Variants in FMN2 observed in about 807,000 individuals in gnomAD.
The protein encoded by FMN2 is formin-2.
In FMN2, 51 loss-of-function variants were observed where a neutral mutation model predicts 142.3. That is an observed-to-expected ratio of 0.36 (90% CI 0.29 to 0.45). The LOEUF is 0.45. Among genes scored for constraint, FMN2 ranks in the 20% least tolerant of loss-of-function variants. The probability of loss-of-function intolerance (pLI) is 1.00; values close to 1 mark genes in which losing one functional copy is unlikely to be tolerated. For synonymous variants in FMN2, 882 were observed against 869.8 expected, an observed-to-expected ratio of 1.01 and a Z score of -0.25; for missense variants, 1,936 against 2,122.8, an observed-to-expected ratio of 0.91 and a Z score of 1.73.
intron 15 of FMN2, among the ~76,000 whole-genome samples, chr1:240,407,609 C>G (rs980226101): frequency 6.6e-6 from 1 of 152,164 alleles, no homozygotes; most frequent in Middle Eastern, 3.2e-3. Flanking sequence ...AATGTGATCA[C>G]ATGATATTTT....
intron 1 of FMN2, among the ~76,000 whole-genome samples, chr1:240,121,085 C>T (rs556919080): frequency 8.7e-4 from 132 of 151,902 alleles, no homozygotes; most frequent in African/African-American, 3.1e-3. Context: ...CGCTTGAACC[C>T]GGGAGGCGGA....
chr1:240,123,401 C>A (rs1482671087), intron 2 of FMN2, 56 bp downstream of exon 2: 3 of 1,546,316 alleles, frequency 1.9e-6, no homozygotes, highest in Non-Finnish European at 2.6e-6. Flanking sequence ...GAAATAGCAG[C>A]TACGATGTGT....
At chr1:240,254,682 G>A (rs182925992) in intron 6 of FMN2, among the ~76,000 whole-genome samples, 165 of 152,252 alleles carry the variant, frequency 1.1e-3, no homozygotes, top group African/African-American at 3.9e-3. Context: ...AGCTTGTGCT[G>A]TGGCTCCATA....
At chr1:240,342,395 T>A (rs2103030241) in intron 13 of FMN2, among the ~76,000 whole-genome samples, 1 of 152,350 alleles carries the variant, frequency 6.6e-6, no homozygotes, top group East Asian at 1.9e-4. Context: ...GGTTTCATAA[T>A]TCGTCTCATG....
intron 7 of FMN2, among the ~76,000 whole-genome samples, chr1:240,266,952 T>C (rs1287638650): frequency 2.0e-5 from 3 of 152,082 alleles, no homozygotes; most frequent in African/African-American, 7.2e-5. Flanking sequence ...TAACTCAAGA[T>C]GGATTAAAGA....
At chr1:240,160,090 G>C (rs1346425121) in intron 2 of FMN2, among the ~76,000 whole-genome samples, 1 of 149,428 alleles carries the variant, frequency 6.7e-6, no homozygotes, top group African/African-American at 2.5e-5. Context: ...CAAAACCTCT[G>C]GACTCAGGTA....
intron 2 of FMN2, among the ~76,000 whole-genome samples, chr1:240,136,821 C>A (rs1418354203): frequency 5.3e-5 from 8 of 151,986 alleles, no homozygotes; most frequent in Admixed American, 5.2e-4. Context: ...ACCTGTAATC[C>A]CAGCACTTTG....
chr1:240,410,392 C>T (rs1674352353), intron 15 of FMN2, among the ~76,000 whole-genome samples: 1 of 152,114 alleles, frequency 6.6e-6, no homozygotes, highest in Non-Finnish European at 1.5e-5. Context: ...AAAATTGAGA[C>T]AATTTGCAAT....
intron 7 of FMN2, among the ~76,000 whole-genome samples, chr1:240,291,478 T>A (rs1405109679): frequency 2.0e-5 from 3 of 152,206 alleles, no homozygotes; most frequent in African/African-American, 7.2e-5. Context: ...ACCTCCAATC[T>A]GAAATGTAAT....
chr1:240,248,518 AG>A (rs1327929328), intron 6 of FMN2, among the ~76,000 whole-genome samples: 1 of 151,144 alleles, frequency 6.6e-6, no homozygotes, highest in African/African-American at 2.4e-5. Flanking sequence ...TGATGGACAC[AG>A]GTTGATTTCA....
At chr1:240,413,518 A>C (rs557329747) in intron 15 of FMN2, among the ~76,000 whole-genome samples, 76 of 152,322 alleles carry the variant, frequency 5.0e-4, no homozygotes, top group African/African-American at 1.7e-3. Context: ...TAATTGGCTT[A>C]GGAAAGGCTA....
intron 14 of FMN2, among the ~76,000 whole-genome samples, chr1:240,372,466 T>A (rs1369844803): frequency 6.6e-6 from 1 of 151,924 alleles, no homozygotes; most frequent in African/African-American, 2.4e-5. Context: ...CAATGATTTC[T>A]TATTTTTTTC....
At position 240,092,208 on chromosome 1, in the gene FMN2, A is replaced by G. The variant is rs2103154861; in HGVS notation, c.99A>G (p.Glu33=). The G allele has an allele frequency of 2.5e-6, 4 of 1,571,294 alleles. No homozygotes were observed. In the East Asian group the frequency reaches 9.2e-5, roughly 36 times the overall value. ...ATGCGCTGGGGCCCAGGGATGTGGAAGCCACAAAGAAGGGGAGCGGGGGCA... is the reference window on the plus strand; with the variant it reads ...ATGCGCTGGGGCCCAGGGATGTGGAGGCCACAAAGAAGGGGAGCGGGGGCA... ...AEDALGPRDV[E]ATKKGSGGKK... Residue 33 remains glutamate, a synonymous_variant, in exon 1 of 18, where the codon GAA becomes GAG. Coordinates refer to ENST00000319653, the MANE Select transcript of FMN2 (RefSeq NM_020066.5).
intron 14 of FMN2, among the ~76,000 whole-genome samples, chr1:240,357,272 A>C (rs1004028413): frequency 1.3e-5 from 2 of 152,246 alleles, no homozygotes; most frequent in Non-Finnish European, 2.9e-5. Flanking sequence ...TTCACATCCA[A>C]AATATAAACA....
At chr1:240,164,562 G>T (rs1195540770) in intron 2 of FMN2, among the ~76,000 whole-genome samples, 1 of 151,944 alleles carries the variant, frequency 6.6e-6, no homozygotes. Context: ...AGTGTTTTTG[G>T]TCTTAAAATA....
intron 15 of FMN2, among the ~76,000 whole-genome samples, chr1:240,434,541 G>GT (rs1675289381): frequency 1.9e-5 from 2 of 103,164 alleles, no homozygotes; most frequent in Non-Finnish European, 4.8e-5. Context: ...TTTTTGTTTT[G>GT]TTTTTTGTTT....
At chr1:240,259,021 G>C (rs1222804240) in intron 7 of FMN2, among the ~76,000 whole-genome samples, 2 of 152,174 alleles carry the variant, frequency 1.3e-5, no homozygotes, top group East Asian at 1.9e-4. Flanking sequence ...GCACAAGCTT[G>C]GTATGCCCTG....
chr1:240,159,528 G>A (rs781510692), intron 2 of FMN2, among the ~76,000 whole-genome samples: 13 of 152,156 alleles, frequency 8.5e-5, no homozygotes, highest in Middle Eastern at 3.4e-3. Context: ...GTATTACTTT[G>A]TTCTTGCTGT....
chr1:240,208,840 T>C (rs1401674618), intron 5 of FMN2, 108 bp downstream of exon 5: 2 of 1,392,674 alleles, frequency 1.4e-6, no homozygotes, highest in Admixed American at 2.3e-5. Context: ...AGCACAACTC[T>C]AAAACTCGTC....
Sources: allele counts gnomAD v4.1 joint callset (sites outside exome capture counted in the v4.1 genomes callset), GRCh38; gene constraint gnomAD v4.1.1; transcripts MANE v1.5; gene names NCBI Gene and HGNC (gene_info 2026-07-23, HGNC 2026-07-21).